The following LINC00305 variants were observed in gnomAD, a reference collection of about 807,000 sequenced individuals.
LINC00305 encodes the protein long intergenic non-protein coding RNA 305.
intron 3 of LINC00305, among the ~76,000 whole-genome samples, chr18:64,091,699 T>C (rs185380748): frequency 6.6e-6 from 1 of 152,200 alleles, no homozygotes; most frequent in East Asian, 1.9e-4. Flanking sequence ...TAAAATCTGC[T>C]TCTTCATTTC....
intron 1 of LINC00305, among the ~76,000 whole-genome samples, chr18:64,117,109 G>GT (rs748046687): frequency 6.6e-6 from 1 of 152,050 alleles, no homozygotes; most frequent in Non-Finnish European, 1.5e-5. Flanking sequence ...AAAGCTTAGT[G>GT]TTTTTTTGGA....
In LINC00305 at chr18:64,141,806, G is replaced by A. The variant is rs190154279; in HGVS notation, n.314+6969C>T. Among the ~76,000 whole-genome samples the A allele has an allele frequency of 2.8e-3, 421 of 152,228 alleles. 3 individuals carry two copies. The highest frequency in any genetic ancestry group is 5.4e-3 in the Non-Finnish European group (365 of 68,014). ...CAAAACGCTTTGGTATGATACTCAC[G>A]CATATGAAACAATGTACTTTAGCAT... On this transcript the variant is annotated intron_variant and non_coding_transcript_variant, in intron 1 of 3. Transcript: ENST00000666468.
At chr18:64,094,947 T>C (rs1364363787) in intron 3 of LINC00305, among the ~76,000 whole-genome samples, 1 of 152,036 alleles carries the variant, frequency 6.6e-6, no homozygotes, top group African/African-American at 2.4e-5. Context: ...CCTCAATCTG[T>C]GTACCTGTCA....
At chr18:64,144,387 A>C (rs1321162882) in intron 1 of LINC00305, among the ~76,000 whole-genome samples, 1 of 152,198 alleles carries the variant, frequency 6.6e-6, no homozygotes, top group East Asian at 1.9e-4. Flanking sequence ...GAATTAAGGA[A>C]AAAGCAGGAA....
chr18:64,094,542 C>T (rs72947341), intron 3 of LINC00305, among the ~76,000 whole-genome samples: 268 of 152,170 alleles, frequency 1.8e-3, no homozygotes, highest in Middle Eastern at 3.4e-3. Context: ...AGCCAGGCAT[C>T]CCCCTAAGCA....
intron 1 of LINC00305, among the ~76,000 whole-genome samples, chr18:64,105,182 CGG>C (rs1452700513): frequency 6.6e-6 from 1 of 152,064 alleles, no homozygotes; most frequent in Non-Finnish European, 1.5e-5. Context: ...TTTTCTAGGC[CGG>C]GTGTGGTGTC....
intron 1 of LINC00305, among the ~76,000 whole-genome samples, chr18:64,126,096 T>G (rs975489246): frequency 3.9e-5 from 6 of 152,058 alleles, no homozygotes; most frequent in Non-Finnish European, 8.8e-5. Flanking sequence ...CATTATAATT[T>G]ACCCAGTCTG....
chr18:64,083,788 A>G (rs1227884921), intron 3 of LINC00305, among the ~76,000 whole-genome samples: 6 of 152,254 alleles, frequency 3.9e-5, no homozygotes, highest in Admixed American at 3.3e-4. Context: ...GAATCTATTT[A>G]GAGCAGCTTT....
chr18:64,147,097 A>C (rs1020379558), intron 1 of LINC00305: 1 of 152,194 alleles, frequency 6.6e-6, no homozygotes, highest in Admixed American at 6.5e-5. Context: ...CATTTACTTG[A>C]GGTCCAGTAA....
chr18:64,139,378 G>C (rs552841546), intron 1 of LINC00305: 22 of 152,316 alleles, frequency 1.4e-4, no homozygotes, highest in African/African-American at 5.3e-4. Context: ...ACTAGGTATA[G>C]CCTGATAAAA....
In LINC00305 at chr18:64,094,888, A is replaced by AAATAAATAAATAAATAAAT. The variant is rs1196743513; in HGVS notation, n.540+2945_540+2946insATTTATTTATTTATTTATT. Reference sequence around the variant, plus strand: ...ATAAATAAATAAATAAATAAATAATAAAATAAAATAAAAGAATTTCTTTCT... The same window carrying AAATAAATAAATAAATAAAT: ...ATAAATAAATAAATAAATAAATAATAAATAAATAAATAAATAAATAAATAAAATAAAAGAATTTCTTTCT... On this transcript the variant is annotated intron_variant and non_coding_transcript_variant, in intron 3 of 3. Transcript: ENST00000666468. 3.8e-3 allele frequency among the ~76,000 whole-genome samples: 374 copies of AAATAAATAAATAAATAAAT among 97,188 alleles called. 1 individual carries two copies. The highest frequency in any genetic ancestry group is 8.0e-3 in the Middle Eastern group (2 of 250). 63.8% of individuals were successfully genotyped at this position (97,188 alleles called of 152,430 possible).
At chr18:64,102,325 A>G (rs1258446931) in intron 1 of LINC00305, among the ~76,000 whole-genome samples, 1 of 152,184 alleles carries the variant, frequency 6.6e-6, no homozygotes. Flanking sequence ...AATAGAACTT[A>G]GCATTTTAAT....
At chr18:64,107,343 A>G (rs984677160) in intron 1 of LINC00305, among the ~76,000 whole-genome samples, 4 of 152,186 alleles carry the variant, frequency 2.6e-5, no homozygotes, top group African/African-American at 9.6e-5. Context: ...AATGTGAAGG[A>G]GTAAGGGGGA....
At chr18:64,098,236 C>T (rs905837164) in intron 2 of LINC00305, among the ~76,000 whole-genome samples, 17 of 152,138 alleles carry the variant, frequency 1.1e-4, no homozygotes, top group Non-Finnish European at 1.8e-4. Flanking sequence ...CCTTCGTAAG[C>T]GATTCATAAA....
intron 3 of LINC00305, among the ~76,000 whole-genome samples, chr18:64,092,691 T>C (rs555056568): frequency 6.6e-6 from 1 of 152,316 alleles, no homozygotes; most frequent in African/African-American, 2.4e-5. Context: ...GGGGTGATCT[T>C]CCCCAAGGGC....
At chr18:64,116,548 A>G (rs2051338675) in intron 1 of LINC00305, among the ~76,000 whole-genome samples, 1 of 151,986 alleles carries the variant, frequency 6.6e-6, no homozygotes, top group South Asian at 2.1e-4. Context: ...ATCAATTGTC[A>G]CTTTCTTTTC....
At chr18:64,108,721 T>C (rs573636353) in intron 1 of LINC00305, among the ~76,000 whole-genome samples, 1 of 152,324 alleles carries the variant, frequency 6.6e-6, no homozygotes, top group African/African-American at 2.4e-5. Context: ...GTGTTAGGTG[T>C]GTAGTAGACA....
At chr18:64,136,626 G>T (rs1327554334) in intron 1 of LINC00305, among the ~76,000 whole-genome samples, 1 of 152,208 alleles carries the variant, frequency 6.6e-6, no homozygotes, top group Non-Finnish European at 1.5e-5. Flanking sequence ...GGGACACAGA[G>T]CCAAACCCTA....
chr18:64,098,115 G>A (rs1250883752), intron 2 of LINC00305: 3 of 395,482 alleles, frequency 7.6e-6, no homozygotes, highest in Admixed American at 5.8e-5. Context: ...GACCAACATT[G>A]TCCATTAAAG....
Sources: gnomAD v4.1 joint callset for allele counts (sites outside exome capture counted in the v4.1 genomes callset) on GRCh38, gnomAD v4.1.1 for gene constraint, MANE v1.5 for transcripts, NCBI Gene and HGNC (gene_info 2026-07-23, HGNC 2026-07-21) for gene names.